The following BMPR1A variants were observed in gnomAD, a reference collection of about 807,000 sequenced individuals.
The protein encoded by BMPR1A is bone morphogenetic protein receptor type 1A, also known as bone morphogenetic protein receptor type-1A.
Under a neutral mutation model 66.0 loss-of-function variants are expected in BMPR1A, and 7 were observed. The observed-to-expected ratio is 0.11, with a 90% CI of 0.06 to 0.20. BMPR1A has a LOEUF of 0.20. Ranked by LOEUF, BMPR1A falls within the 10% of genes least tolerant of loss-of-function variation. BMPR1A has a pLI of 1.00. For missense variants in BMPR1A, 408 were observed against 669.1 expected (o/e 0.61, Z 4.31); for synonymous variants, 200 against 229.7 (o/e 0.87, Z 1.17).
chr10:86,925,223 A>G lies in BMPR1A; in HGVS notation c.*1504A>G, dbSNP rs1401455120. On this transcript the variant is annotated 3_prime_UTR_variant, in exon 13 of 13. Coordinates refer to ENST00000372037, the MANE Select transcript of BMPR1A (RefSeq NM_004329.3). ...ATCTCAAGAAATCTGATTTACATAA[A>G]CTTATACTTCTTTAATGCTTTTTAA... The G allele has an allele frequency of 4.4e-6, 1 of 228,488 alleles. No individual in the cohort carries two copies. Among genetic ancestry groups the G allele is most frequent in the Non-Finnish European group, 8.7e-6 (1 of 115,332 alleles). The allele number at this position is 228,488 out of a possible 1,614,324, so 14.2% of individuals were successfully genotyped here.
chr10:86,882,432 A>C (rs1843002607), intron 3 of BMPR1A, among the ~76,000 whole-genome samples: 1 of 152,032 alleles, frequency 6.6e-6, no homozygotes, highest in Non-Finnish European at 1.5e-5. Flanking sequence ...CAAAAAAATA[A>C]AAAGTTTTCT....
At position 86,761,599 on chromosome 10, in the gene BMPR1A, G is replaced by C. The variant is rs369758457; in HGVS notation, c.-268+4680G>C. Among the ~76,000 whole-genome samples, 13 of 152,338 alleles carry C rather than the reference G, an allele frequency of 8.5e-5. No homozygotes were observed. In the South Asian group the frequency reaches 1.9e-3, roughly 22 times the overall value. On this transcript the variant is annotated intron_variant, in intron 1 of 12. Coordinates refer to ENST00000372037, the MANE Select transcript of BMPR1A (RefSeq NM_004329.3). ...ATTTATGCCTAGTGTTCCACTATTG[G>C]AACGCTAAGCACGTGGGAGTTATTT...
chr10:86,916,044 AG>A (rs777018963), intron 8 of BMPR1A, among the ~76,000 whole-genome samples: 2 of 152,194 alleles, frequency 1.3e-5, no homozygotes, highest in Non-Finnish European at 2.9e-5. Flanking sequence ...AGCAACTGAG[AG>A]GTTTTGTGTG....
At chr10:86,922,566 G>A (rs1843682801) in intron 11 of BMPR1A, among the ~76,000 whole-genome samples, 1 of 152,202 alleles carries the variant, frequency 6.6e-6, no homozygotes, top group African/African-American at 2.4e-5. Context: ...CCAGTGAAAG[G>A]ATACAAATCA....
intron 5 of BMPR1A, among the ~76,000 whole-genome samples, chr10:86,897,313 G>A (rs774804981): frequency 2.6e-5 from 4 of 152,128 alleles, no homozygotes; most frequent in Non-Finnish European, 5.9e-5. Flanking sequence ...GAGAGTGCAG[G>A]AAAAGGAAAG....
intron 1 of BMPR1A, among the ~76,000 whole-genome samples, chr10:86,766,665 G>A (rs1385360834): frequency 7.1e-6 from 1 of 140,748 alleles, no homozygotes; most frequent in Non-Finnish European, 1.5e-5. Context: ...ACCCAGGCGG[G>A]AGTGCAGTGG....
At chr10:86,806,173 G>A (rs776575526) in intron 1 of BMPR1A, among the ~76,000 whole-genome samples, 3 of 152,038 alleles carry the variant, frequency 2.0e-5, no homozygotes, top group Non-Finnish European at 2.9e-5. Flanking sequence ...GTCCTTCTAG[G>A]GTATCAGAAG....
chr10:86,757,452 G>C (rs1234812418), intron 1 of BMPR1A, among the ~76,000 whole-genome samples: 3 of 152,184 alleles, frequency 2.0e-5, no homozygotes, highest in Non-Finnish European at 4.4e-5. Context: ...CCGTGGCCTG[G>C]TGATTCCGTA....
chr10:86,846,948 C>T (rs1477957886), intron 2 of BMPR1A, among the ~76,000 whole-genome samples: 1 of 151,488 alleles, frequency 6.6e-6, no homozygotes, highest in Non-Finnish European at 1.5e-5. Context: ...GGTTTTGATC[C>T]CTCTCCAGTT....
chr10:86,834,327 C>T lies in BMPR1A; in HGVS notation c.-267-4538C>T, dbSNP rs368815580. Among the ~76,000 whole-genome samples the T allele has an allele frequency of 5.3e-5, 8 of 152,090 alleles. No individual in the cohort carries two copies. The East Asian group carries it at 1.2e-3, about 22-fold the overall frequency. ...AGGTAAGTTAGATTTTCTATGCAAC[C>T]CAGTTTTGTATCATTGAGTTGTTAC... On this transcript the variant is annotated intron_variant, in intron 1 of 12. Coordinates refer to ENST00000372037, the MANE Select transcript of BMPR1A (RefSeq NM_004329.3).
chr10:86,803,455 T>TC (rs1254034993), intron 1 of BMPR1A, among the ~76,000 whole-genome samples: 1 of 152,178 alleles, frequency 6.6e-6, no homozygotes, highest in Non-Finnish European at 1.5e-5. Context: ...GACATTTTTT[T>TC]CCCCATTACA....
chr10:86,828,253 C>G (rs1385767017), intron 1 of BMPR1A, among the ~76,000 whole-genome samples: 2 of 152,176 alleles, frequency 1.3e-5, no homozygotes, highest in African/African-American at 4.8e-5. Flanking sequence ...TCATATGCAG[C>G]CTTTTTGTTT....
intron 1 of BMPR1A, among the ~76,000 whole-genome samples, chr10:86,789,904 C>A (rs1841576019): frequency 1.3e-5 from 2 of 150,668 alleles, no homozygotes; most frequent in South Asian, 4.2e-4. Context: ...CGCCTGTAAT[C>A]CTAGCACTTT....
intron 3 of BMPR1A, among the ~76,000 whole-genome samples, chr10:86,887,793 G>T (rs1051117783): frequency 1.3e-5 from 2 of 152,160 alleles, no homozygotes; most frequent in African/African-American, 4.8e-5. Flanking sequence ...TTTAAAGCTG[G>T]TCAGGTTCCC....
At chr10:86,777,985 C>T (rs182193962) in intron 1 of BMPR1A, among the ~76,000 whole-genome samples, 112 of 150,440 alleles carry the variant, frequency 7.4e-4, no homozygotes, top group African/African-American at 2.7e-3. Context: ...TGCACTCCAG[C>T]CTGGGTAACA....
intron 1 of BMPR1A, among the ~76,000 whole-genome samples, chr10:86,776,380 A>G (rs1259621176): frequency 6.6e-6 from 1 of 152,208 alleles, no homozygotes; most frequent in South Asian, 2.1e-4. Context: ...GCCTACTCTC[A>G]TAAGTAAAGA....
chr10:86,837,619 A>C (rs1468725570), intron 1 of BMPR1A, among the ~76,000 whole-genome samples: 1 of 152,222 alleles, frequency 6.6e-6, no homozygotes, highest in Non-Finnish European at 1.5e-5. Flanking sequence ...TCAGAAGAAC[A>C]CTGAACACCA....
At chr10:86,932,097 C>G (rs1413155518), downstream of BMPR1A, 2 of 152,178 alleles carry the variant, frequency 1.3e-5, no homozygotes, top group Non-Finnish European at 2.9e-5. Flanking sequence ...TGCACAATTG[C>G]TTTGTCATTC....
At chr10:86,799,222 C>T (rs1211226636) in intron 1 of BMPR1A, among the ~76,000 whole-genome samples, 1 of 152,052 alleles carries the variant, frequency 6.6e-6, no homozygotes, top group Non-Finnish European at 1.5e-5. Context: ...CAAAAGGCAA[C>T]CCTAACCAAC....
Sources: gnomAD v4.1 joint callset for allele counts (sites outside exome capture counted in the v4.1 genomes callset) on GRCh38, gnomAD v4.1.1 for gene constraint, MANE v1.5 for transcripts, NCBI Gene and HGNC (gene_info 2026-07-23, HGNC 2026-07-21) for gene names.